The following ATP6V1E2 variants were observed in gnomAD, a reference collection of about 807,000 sequenced individuals.
The protein encoded by ATP6V1E2 is V-type proton ATPase subunit E 2.
For synonymous variants in ATP6V1E2, 121 were observed against 104.2 expected (o/e 1.16, Z -0.98); for missense variants, 308 against 273.3 (o/e 1.13, Z -0.90).
In ATP6V1E2 at chr2:46,512,173, C is replaced by G. The variant is rs200523224; in HGVS notation, c.539G>C (p.Gly180Ala). The change falls in exon 5 of 5, where the codon GGT (glycine) becomes GCT (alanine). Residue 180 changes from glycine (G) to alanine (A), a missense_variant. Transcript: ENST00000522587. ...EAYLAVNAAG[G>A]VEVYSGNQRI... is the part of the protein sequence containing the mutation. ...CTGATTGCCACTGTAGACCTCCACACCTCCAGCTGCATTCACAGCCAGGTA... is the reference window on the plus strand; with the variant it reads ...CTGATTGCCACTGTAGACCTCCACAGCTCCAGCTGCATTCACAGCCAGGTA... 7.4e-6 allele frequency: 12 copies of G among 1,614,234 alleles called. No individual in the cohort carries two copies. In the South Asian group the frequency reaches 8.8e-5, roughly 12 times the overall value.
intron 4 of ATP6V1E2, among the ~76,000 whole-genome samples, chr2:46,520,475 C>G (rs1027906377): frequency 1.3e-5 from 2 of 152,272 alleles, no homozygotes; most frequent in African/African-American, 4.8e-5. Flanking sequence ...GCCCTCCAAG[C>G]CAGACTCGGC....
chr2:46,537,252 C>T (rs892146768), intron 2 of ATP6V1E2: 3 of 152,220 alleles, frequency 2.0e-5, no homozygotes, highest in Non-Finnish European at 4.4e-5. Context: ...AAACCCCAGC[C>T]CCTGTGGGGG....
intron 4 of ATP6V1E2, among the ~76,000 whole-genome samples, chr2:46,517,643 A>C (rs1045484891): frequency 3.7e-4 from 56 of 152,198 alleles, no homozygotes; most frequent in Admixed American, 3.5e-3. Flanking sequence ...AGCAAAAGCA[A>C]CAACAACAAC....
At position 46,511,955 on chromosome 2, in the gene ATP6V1E2, C is replaced by T; in HGVS notation, c.*76G>A. On this transcript the variant is annotated 3_prime_UTR_variant, in exon 5 of 5. Transcript: ENST00000522587. ...TCAGAGCATCAAAGAGGAGGAAACA[C>T]TACTAGTTTCCTTTCCCCAAAAAAC... is the stretch of plus-strand genomic sequence containing the variant. The T allele has an allele frequency of 7.8e-7, 1 of 1,279,166 alleles. No homozygotes were observed. Among genetic ancestry groups the T allele is most frequent in the Non-Finnish European group, 1.1e-6 (1 of 925,442 alleles). 79.2% of individuals were successfully genotyped at this position (1,279,166 alleles called of 1,614,324 possible). A position where few individuals can be genotyped will look rare whatever the true frequency, so the allele number is the denominator to read the frequency against.
chr2:46,520,127 C>T (rs572921425), intron 4 of ATP6V1E2, among the ~76,000 whole-genome samples: 42 of 152,286 alleles, frequency 2.8e-4, no homozygotes, highest in African/African-American at 6.7e-4. Flanking sequence ...GTTCTTGTGT[C>T]CCCTCCCTGC....
rs368044637 is a variant in ATP6V1E2 at position 46,518,386 on chromosome 2, C to T, written c.-101-5574G>A. On this transcript the variant is annotated intron_variant, in intron 4 of 4. Transcript: ENST00000522587. The stretch of plus-strand genomic sequence containing the variant: ...GGTTCTGTTCAATGGGTGTAGTTTT[C>T]GTGATGCAAGATGAAAAAGTTCTAG... 1.6e-4 allele frequency among the ~76,000 whole-genome samples: 25 copies of T among 151,804 alleles called. No homozygotes were observed. The South Asian group carries it at 4.8e-3, about 29-fold the overall frequency.
At chr2:46,533,316 C>A (rs1286658599) in intron 4 of ATP6V1E2, among the ~76,000 whole-genome samples, 1 of 152,158 alleles carries the variant, frequency 6.6e-6, no homozygotes, top group East Asian at 1.9e-4. Flanking sequence ...CTCTATCACT[C>A]AGACTGGAGT....
Position 46,518,758 on chromosome 2 carries a change from TTGTGTGTGTGTG to T in ATP6V1E2, c.-101-5958_-101-5947del, listed in dbSNP as rs70940621. ...TGCTCCTAAATAAGACAAGTCAATT[TTGTGTGTGTGTG>T]TGTGTGTGTGTGTGTGTGTGTGTGT... On this transcript the variant is annotated intron_variant, in intron 4 of 4. Transcript: ENST00000522587. Among the ~76,000 whole-genome samples, 1,076 of 140,680 alleles carry T rather than the reference TTGTGTGTGTGTG, an allele frequency of 7.6e-3. 16 individuals carry two copies. The highest frequency in any genetic ancestry group is 0.027 in the African/African-American group (1,009 of 37,444). 92.3% of individuals were successfully genotyped at this position (140,680 alleles called of 152,430 possible).
chr2:46,531,655 G>C (rs910877060), intron 4 of ATP6V1E2, among the ~76,000 whole-genome samples: 3 of 152,084 alleles, frequency 2.0e-5, no homozygotes, highest in African/African-American at 7.2e-5. Context: ...CAATCTAAAG[G>C]GTTCCAATTT....
At chr2:46,514,607 G>A (rs910727606) in intron 4 of ATP6V1E2, among the ~76,000 whole-genome samples, 30 of 152,008 alleles carry the variant, frequency 2.0e-4, no homozygotes, top group African/African-American at 7.0e-4. Flanking sequence ...CCAGTCAAAG[G>A]AGCAAAAAGA....
At chr2:46,522,914 A>G (rs1459821842) in intron 4 of ATP6V1E2, among the ~76,000 whole-genome samples, 9 of 152,040 alleles carry the variant, frequency 5.9e-5, no homozygotes, top group Admixed American at 5.9e-4. Flanking sequence ...TTGTTTCCTG[A>G]CTTTTTAATA....
intron 4 of ATP6V1E2, among the ~76,000 whole-genome samples, chr2:46,523,701 C>T (rs1302404506): frequency 6.6e-6 from 1 of 152,056 alleles, no homozygotes; most frequent in African/African-American, 2.4e-5. Context: ...TTAGGATTAT[C>T]TTGGCTATAT....
At chr2:46,534,614 G>A (rs770684992) in intron 4 of ATP6V1E2, 2 of 152,110 alleles carry the variant, frequency 1.3e-5, no homozygotes, top group African/African-American at 2.4e-5. Context: ...TTAAATGTCT[G>A]TATTTTGTTG....
chr2:46,522,381 G>C (rs1173941534), intron 4 of ATP6V1E2, among the ~76,000 whole-genome samples: 1 of 151,576 alleles, frequency 6.6e-6, no homozygotes, highest in East Asian at 1.9e-4. Context: ...CATCCTGTAA[G>C]TTTCCTCCCC....
chr2:46,522,128 T>A (rs118143309), intron 4 of ATP6V1E2, among the ~76,000 whole-genome samples: 2 of 146,222 alleles, frequency 1.4e-5, no homozygotes, highest in Admixed American at 6.8e-5. Context: ...TCTCTACAAA[T>A]TTTTTTTTTT....
At chr2:46,513,223 A>C (rs1197836234) in intron 4 of ATP6V1E2, among the ~76,000 whole-genome samples, 1 of 151,948 alleles carries the variant, frequency 6.6e-6, no homozygotes, top group Admixed American at 6.6e-5. Context: ...CCAGGATTGA[A>C]TCCTTCCTGG....
intron 4 of ATP6V1E2, among the ~76,000 whole-genome samples, chr2:46,522,655 G>T (rs1666699749): frequency 2.0e-5 from 3 of 152,136 alleles, no homozygotes; most frequent in Admixed American, 1.3e-4. Flanking sequence ...TGGGCATTTG[G>T]GTTGGTTCCA....
At chr2:46,527,322 C>A (rs569758740) in intron 4 of ATP6V1E2, among the ~76,000 whole-genome samples, 1 of 152,094 alleles carries the variant, frequency 6.6e-6, no homozygotes, top group Non-Finnish European at 1.5e-5. Flanking sequence ...ACCGGGTTCA[C>A]GCCATTCTCC....
chr2:46,517,019 T>C (rs968889846), intron 4 of ATP6V1E2, among the ~76,000 whole-genome samples: 1 of 152,134 alleles, frequency 6.6e-6, no homozygotes, highest in Admixed American at 6.5e-5. Flanking sequence ...GGACCCCAAA[T>C]AGCCAAAAAC....
Sources: allele counts gnomAD v4.1 joint callset (sites outside exome capture counted in the v4.1 genomes callset), GRCh38; gene constraint gnomAD v4.1.1; transcripts MANE v1.5; gene names NCBI Gene and HGNC (gene_info 2026-07-23, HGNC 2026-07-21).